STOX2: variants seen among roughly 807,000 people sequenced by gnomAD.
STOX2 encodes the protein storkhead box 2, also known as storkhead-box protein 2.
STOX2 carries 28 observed loss-of-function variants against 60.9 expected under a neutral mutation model. The observed-to-expected ratio is 0.46, with a 90% CI of 0.34 to 0.63. STOX2 has a LOEUF of 0.63. STOX2 is among the 30% of genes least tolerant of loss of function. The pLI, the probability that STOX2 is intolerant of heterozygous loss-of-function variation, is 0.01. For synonymous variants in STOX2, 472 were observed against 463.9 expected, an observed-to-expected ratio of 1.02 and a Z score of -0.22; for missense variants, 1,024 against 1,187.7, an observed-to-expected ratio of 0.86 and a Z score of 2.03.
chr4:183,995,302 T>C (rs927779243), intron 1 of STOX2, among the ~76,000 whole-genome samples: 1 of 54,090 alleles, frequency 1.8e-5, no homozygotes, highest in Non-Finnish European at 5.2e-5. Flanking sequence ...TTTTTTTTTT[T>C]TTTTTTTTTT....
chr4:183,996,235 A>G (rs577818559), intron 1 of STOX2, among the ~76,000 whole-genome samples: 2 of 152,364 alleles, frequency 1.3e-5, no homozygotes, highest in East Asian at 3.9e-4. Context: ...AATAAAGCTG[A>G]ACTAAAATCT....
intron 2 of STOX2, among the ~76,000 whole-genome samples, chr4:184,007,273 C>T (rs1733912963): frequency 6.6e-6 from 1 of 152,142 alleles, no homozygotes; most frequent in Non-Finnish European, 1.5e-5. Flanking sequence ...CGGATTTTCT[C>T]CCCTTGAGAA....
intron 1 of STOX2, among the ~76,000 whole-genome samples, chr4:183,874,952 A>AAAAAAT (rs1740788891): frequency 2.2e-5 from 1 of 44,614 alleles, no homozygotes; most frequent in African/African-American, 9.1e-5. Context: ...AAAAAAAAAA[A>AAAAAAT]ATATATATAT....
intron 1 of STOX2, among the ~76,000 whole-genome samples, chr4:183,942,640 C>T (rs1453280946): frequency 6.6e-6 from 1 of 151,916 alleles, no homozygotes; most frequent in Non-Finnish European, 1.5e-5. Flanking sequence ...TTAGGCACTC[C>T]AAAAAGAGAT....
chr4:183,995,153 G>A lies in STOX2; in HGVS notation c.167-6172G>A, dbSNP rs1579520227. Among the ~76,000 whole-genome samples the A allele has an allele frequency of 2.0e-5, 3 of 152,296 alleles. No individual in the cohort carries two copies. The East Asian group carries it at 5.8e-4, about 29-fold the overall frequency. On this transcript the variant is annotated intron_variant, in intron 1 of 3. Coordinates refer to ENST00000308497, the MANE Select transcript of STOX2 (RefSeq NM_020225.3). ...GGATGTCACCCAGGAAGGAGCAGGT[G>A]TAAGCTGTTGTGAAAGTCATATCCC...
rs866256659 is a variant in STOX2, at chr4:184,006,843, C to T, written c.320-2315C>T. On this transcript the variant is annotated intron_variant, in intron 2 of 3. Transcript: ENST00000308497. Reference sequence around the variant, plus strand: ...CATCCCGGCTAAAACGGTGAAACCCCGTCTCTACTAAAAATACAAAAAATT... The same window carrying T: ...CATCCCGGCTAAAACGGTGAAACCCTGTCTCTACTAAAAATACAAAAAATT... Among the ~76,000 whole-genome samples, 21 of 150,618 alleles carry T rather than the reference C, an allele frequency of 1.4e-4. 1 individual carries two copies. Among genetic ancestry groups the T allele is most frequent in the Admixed American group, 2.6e-4 (4 of 15,184 alleles).
chr4:183,991,692 G>T (rs1733113627), intron 1 of STOX2, among the ~76,000 whole-genome samples: 1 of 152,068 alleles, frequency 6.6e-6, no homozygotes, highest in African/African-American at 2.4e-5. Context: ...CCAAAGTGCT[G>T]GGATTACAAG....
intron 1 of STOX2, among the ~76,000 whole-genome samples, chr4:183,876,237 G>A (rs1324054521): frequency 1.3e-5 from 2 of 152,184 alleles, no homozygotes; most frequent in East Asian, 1.9e-4. Flanking sequence ...CGACTCCCAG[G>A]CGGTCTGATG....
At chr4:183,926,724 A>C (rs563611017) in intron 1 of STOX2, among the ~76,000 whole-genome samples, 47 of 152,250 alleles carry the variant, frequency 3.1e-4, no homozygotes, top group African/African-American at 1.1e-3. Flanking sequence ...CCCGGGTTCA[A>C]GCAGTTCTCC....
At chr4:183,982,035 G>T (rs1732674651) in intron 1 of STOX2, among the ~76,000 whole-genome samples, 1 of 152,222 alleles carries the variant, frequency 6.6e-6, no homozygotes. Context: ...GAGTAATGGA[G>T]GGACACCTGC....
rs1407122321 is a variant in STOX2, at chr4:184,017,274, C to T, written c.2771C>T (p.Thr924Ile). The change falls in exon 4 of 4, where the codon ACT (threonine) becomes ATT (isoleucine). Residue 924 changes from threonine to isoleucine, a missense_variant. Coordinates refer to ENST00000308497, the MANE Select transcript of STOX2 (RefSeq NM_020225.3). ...KPSNCLQASV[T>I]SV ...TCCAACTGCTTGCAAGCTTCTGTTA[C>T]TAGCGTGTGATTGTCCTTCTGCCTC... 1 of 1,593,422 alleles carries T rather than the reference C, an allele frequency of 6.3e-7. No individual in the cohort carries two copies. The highest frequency in any genetic ancestry group is 8.5e-7 in the Non-Finnish European group (1 of 1,169,688).
chr4:183,887,245 C>T (rs1308485553), intron 1 of STOX2, among the ~76,000 whole-genome samples: 1 of 148,460 alleles, frequency 6.7e-6, no homozygotes, highest in Non-Finnish European at 1.5e-5. Context: ...GCCTGGGCAA[C>T]AAGAATGAGA....
chr4:183,994,324 C>T lies in STOX2; in HGVS notation c.167-7001C>T, dbSNP rs116220257. The stretch of plus-strand genomic sequence containing the variant: ...ATTTTAACTTGCGTGTTAATTTTGG[C>T]GGTGCAGAGAACAAAAGGGGCACAC... On this transcript the variant is annotated intron_variant, in intron 1 of 3. Transcript: ENST00000308497. Among the ~76,000 whole-genome samples, 832 of 152,112 alleles carry T rather than the reference C, an allele frequency of 5.5e-3. 5 individuals carry two copies. The highest frequency in any genetic ancestry group is 0.018 in the African/African-American group (755 of 41,490).
chr4:183,821,484 C>T lies in STOX2; in HGVS notation c.364+23429C>T, dbSNP rs1739301614. 6.6e-6 allele frequency among the ~76,000 whole-genome samples: 1 copy of T among 152,236 alleles called. No individual in the cohort carries two copies. Among genetic ancestry groups the T allele is most frequent in the African/African-American group, 2.4e-5 (1 of 41,468 alleles). On this transcript the variant is annotated intron_variant, in intron 1 of 2. Coordinates refer to the STOX2 transcript ENST00000513034. This position sits in a 1 kb window ranked among gnomAD's most constrained non-coding sequence, Gnocchi z 4.2. ...TTCTTCTACCTGCTGGATATTTTCACCCATGACCCTTAAGAGAATGCGGGT... is the reference window on the plus strand; with the variant it reads ...TTCTTCTACCTGCTGGATATTTTCATCCATGACCCTTAAGAGAATGCGGGT...
intron 1 of STOX2, among the ~76,000 whole-genome samples, chr4:183,963,684 C>T (rs2111164879): frequency 6.6e-6 from 1 of 152,028 alleles, no homozygotes; most frequent in East Asian, 1.9e-4. Flanking sequence ...CCTCGGCCTC[C>T]CAAAGTGCTG....
intron 1 of STOX2, among the ~76,000 whole-genome samples, chr4:183,944,027 T>A (rs773385680): frequency 1.3e-5 from 2 of 152,230 alleles, no homozygotes; most frequent in Non-Finnish European, 2.9e-5. Context: ...CATGGCTCAG[T>A]ACAGAAGACA....
intron 1 of STOX2, among the ~76,000 whole-genome samples, chr4:183,881,785 T>G (rs370250931): frequency 6.6e-6 from 1 of 152,234 alleles, no homozygotes; most frequent in African/African-American, 2.4e-5. Flanking sequence ...ACTTTTCATC[T>G]GATTTCATTC....
intron 2 of STOX2, among the ~76,000 whole-genome samples, chr4:184,002,370 A>G (rs1194780758): frequency 2.0e-5 from 3 of 152,228 alleles, no homozygotes; most frequent in Non-Finnish European, 4.4e-5. Context: ...TTCTCATTCA[A>G]CTTAGAAGAG....
At chr4:184,006,885 G>C (rs1286171017) in intron 2 of STOX2, among the ~76,000 whole-genome samples, 2 of 148,476 alleles carry the variant, frequency 1.3e-5, no homozygotes, top group Non-Finnish European at 3.0e-5. Flanking sequence ...GCGTAGTGGC[G>C]GGCGCCTGTA....
Sources: gnomAD v4.1 joint callset for allele counts (sites outside exome capture counted in the v4.1 genomes callset) on GRCh38, gnomAD v4.1.1 for gene constraint, Gnocchi (gnomAD v3.1) non-coding constraint, MANE v1.5 for transcripts, NCBI Gene and HGNC (gene_info 2026-07-23, HGNC 2026-07-21) for gene names.